The following IFNL2 variants were observed in gnomAD, a reference collection of about 807,000 sequenced individuals.
IFNL2 encodes the protein interferon lambda-2.
Under a neutral mutation model 18.7 loss-of-function variants are expected in IFNL2, and 17 were observed. That is an observed-to-expected ratio of 0.91 (90% CI 0.62 to 1.36). The LOEUF (loss-of-function observed/expected upper bound fraction) is 1.36, where lower values mean the gene tolerates loss of function less well. IFNL2 is among the 40% of genes most tolerant of loss of function. The pLI, the probability that IFNL2 is intolerant of heterozygous loss-of-function variation, is 0.00. For synonymous variants in IFNL2, 96 were observed against 113.4 expected, an observed-to-expected ratio of 0.85 and a Z score of 0.98; for missense variants, 225 against 257.3, an observed-to-expected ratio of 0.87 and a Z score of 0.86.
In IFNL2 at chr19:39,269,761, G is replaced by A. The variant is rs2075029059; in HGVS notation, c.444G>A (p.Gly148=). 12 of 1,609,282 alleles carry A rather than the reference G, an allele frequency of 7.5e-6. No homozygotes were observed. The highest frequency in any genetic ancestry group is 1.0e-5 in the Non-Finnish European group (12 of 1,178,338). Residue 148 remains glycine, a synonymous_variant, in exon 5 of 6, where the codon GGG becomes GGA. Coordinates refer to ENST00000331982, the MANE Select transcript of IFNL2 (RefSeq NM_172138.2). ...RACIQPQPTA[G]PRTRGRLHHW... ...AGATCCAGCCTCAGCCCACGGCAGG[G>A]CCCAGGACCCGGGGCCGCCTCCACC...
Position 39,269,648 on chromosome 19 carries a change from G to A in IFNL2, c.420+11G>A, listed in dbSNP as rs546500. The A allele has an allele frequency of 2.4e-3, 3,849 of 1,613,294 alleles. 110 individuals carry two copies. The African/African-American group carries it at 0.044, about 18-fold the overall frequency. ...CAGTTCCGGGCCTGTGTGAGTCGTT[G>A]GGGCCTGGGCACCCAGGTCTGTGAG... On this transcript the variant is annotated intron_variant, in intron 4 of 5. Coordinates refer to ENST00000331982, the MANE Select transcript of IFNL2 (RefSeq NM_172138.2).
chr19:39,269,212 G>C lies in IFNL2; in HGVS notation c.253G>C (p.Asp85His), dbSNP rs750186678. ...CTCCCGCCTCTTCCCCAGGACCTGG[G>C]ACCTGAGGCAGCTGCAGGTGAGAGG... ...CHSRLFPRTW[D>H]LRQLQVRERP... Residue 85 changes from aspartate (D) to histidine (H), a missense_variant, in exon 3 of 6, where the codon GAC becomes CAC. Asp to His is a moderately conservative substitution (Grantham distance 81). Transcript: ENST00000331982. 1.2e-6 allele frequency: 2 copies of C among 1,611,854 alleles called. No individual in the cohort carries two copies. Among genetic ancestry groups the C allele is most frequent in the African/African-American group, 2.7e-5 (2 of 74,792 alleles).
In IFNL2 at chr19:39,268,860, T is replaced by C. The variant is rs557053526; in HGVS notation, c.192+2T>C. The stretch of plus-strand genomic sequence containing the variant: ...TTTAAGAGGGCCAAAGATGCCTTAG[T>C]GAGTCTCCCCCTGCCCTCCTGCCAT... On this transcript the variant is annotated splice_donor_variant, in intron 2 of 5. Coordinates refer to ENST00000331982, the MANE Select transcript of IFNL2 (RefSeq NM_172138.2). LOFTEE classifies it high-confidence loss of function. 2.5e-6 allele frequency: 4 copies of C among 1,609,892 alleles called. No individual in the cohort carries two copies. The highest frequency in any genetic ancestry group is 1.7e-4 in the Middle Eastern group (1 of 5,984).
rs2144994823 is a variant in IFNL2 at position 39,268,673 on chromosome 19, A to G, written c.11-4A>G. ...CCTCAGCTCCCTTTCTCTCTGTGAC[A>G]CAGACATGACTGGGGACTGCACGCC... On this transcript the variant is annotated splice_region_variant and splice_polypyrimidine_tract_variant and intron_variant, in intron 1 of 5. Transcript: ENST00000331982. 1 of 1,613,492 alleles carries G rather than the reference A, an allele frequency of 6.2e-7. No homozygotes were observed. The highest frequency in any genetic ancestry group is 2.2e-5 in the East Asian group (1 of 44,882).
rs759745962 is a variant in IFNL2, at chr19:39,268,878, C to T, written c.192+20C>T. 1 of 1,603,164 alleles carries T rather than the reference C, an allele frequency of 6.2e-7. No homozygotes were observed. The highest frequency in any genetic ancestry group is 8.5e-7 in the Non-Finnish European group (1 of 1,172,856). ...GCCTTAGTGAGTCTCCCCCTGCCCT[C>T]CTGCCATGGACTAGCCTCCACCCCC... On this transcript the variant is annotated intron_variant, in intron 2 of 5. Transcript: ENST00000331982.
At chr19:39,269,294 C>A (rs1013723361) in intron 3 of IFNL2, 65 bp downstream of exon 3, 12 of 1,537,012 alleles carry the variant, frequency 7.8e-6, no homozygotes, top group African/African-American at 1.4e-5. Context: ...TGTAGTGGCC[C>A]CTTCACCGTC....
At chr19:39,268,933 C>T (rs961282087) in intron 2 of IFNL2, 75 bp downstream of exon 2, 100 of 1,543,828 alleles carry the variant, frequency 6.5e-5, no homozygotes, top group Middle Eastern at 6.2e-4. Context: ...TTTCCCACTC[C>T]CAGCTTCCTT....
rs1289035668 is a variant in IFNL2, at chr19:39,270,001, C to T, written c.591C>T (p.Asp197=). Residue 197 remains aspartate, a synonymous_variant, in exon 6 of 6, where the codon GAC becomes GAT. Transcript: ENST00000331982. Reference sequence around the variant, plus strand: ...ACCTGAATTGTGTTGCCAGTGGGGACCTGTGTGTCTGACCCTCCCACCAGT... The same window carrying T: ...ACCTGAATTGTGTTGCCAGTGGGGATCTGTGTGTCTGACCCTCCCACCAGT... ...TRDLNCVASG[D]LCV The T allele has an allele frequency of 6.9e-6, 11 of 1,597,832 alleles. No individual in the cohort carries two copies. The Admixed American group carries it at 1.0e-4, about 15-fold the overall frequency.
chr19:39,269,247 G>T lies in IFNL2; in HGVS notation c.270+18G>T, dbSNP rs573494672. 2.5e-6 allele frequency: 4 copies of T among 1,600,764 alleles called. No homozygotes were observed. The highest frequency in any genetic ancestry group is 2.3e-5 in the East Asian group (1 of 44,130). On this transcript the variant is annotated intron_variant, in intron 3 of 5. Transcript: ENST00000331982. ...AGCTGCAGGTGAGAGGGGGAGTCAG[G>T]CCCACCCCTGCTCTCCCAGCCCCAC...
intron 4 of IFNL2, 38 bp from the exon 5 acceptor site, chr19:39,269,700 A>G (rs1230229918): frequency 6.2e-7 from 1 of 1,607,164 alleles, no homozygotes; most frequent in Non-Finnish European, 8.5e-7. Context: ...TCCCCTTGCC[A>G]AGGCCCCGGC....
chr19:39,269,100 G>A, intron 2 of IFNL2, 52 bp from the exon 3 acceptor site: 2 of 1,579,836 alleles, frequency 1.3e-6, no homozygotes, highest in Admixed American at 1.8e-5. Context: ...CCACCAGGAT[G>A]GTCTAACCTC....
rs763597001 is a variant in IFNL2, at chr19:39,269,582, T to A, written c.365T>A (p.Val122Asp). 5.0e-6 allele frequency: 8 copies of A among 1,614,194 alleles called. No individual in the cohort carries two copies. The East Asian group carries it at 6.7e-5, about 13-fold the overall frequency. ...GACACTGACCCAGCCCTGGTGGACG[T>A]CTTGGACCAGCCCCTTCACACCCTG... ...TADTDPALVD[V>D]LDQPLHTLHH... Residue 122 changes from valine (V) to aspartate (D), a missense_variant, in exon 4 of 6, where the codon GTC becomes GAC. By Grantham distance (152) the Val-to-Asp change is radical. Transcript: ENST00000331982.
chr19:39,269,028 G>A (rs972987698), intron 2 of IFNL2, 124 bp from the exon 3 acceptor site: 1 of 1,349,436 alleles, frequency 7.4e-7, no homozygotes, highest in South Asian at 1.4e-5. Flanking sequence ...TGTAGAAGAG[G>A]GTCCTCTACC....
At chr19:39,268,649 C>T (rs1192348182) in intron 1 of IFNL2, 28 bp from the exon 2 acceptor site, 2 of 1,613,894 alleles carry the variant, frequency 1.2e-6, no homozygotes, top group Non-Finnish European at 1.7e-6. Context: ...TCTCCATCCC[C>T]TCAGCTCCCT....
Position 39,270,074 on chromosome 19 carries a change from A to G in IFNL2, c.*61A>G. On this transcript the variant is annotated 3_prime_UTR_variant, in exon 6 of 6. Coordinates refer to ENST00000331982, the MANE Select transcript of IFNL2 (RefSeq NM_172138.2). ...ATAAATTAGCCACTTGTCTTAATTT[A>G]TTGCCACCCAGTCGCTATTTATGTA... 1 of 1,520,068 alleles carries G rather than the reference A, an allele frequency of 6.6e-7. No homozygotes were observed. Among genetic ancestry groups the G allele is most frequent in the Non-Finnish European group, 8.9e-7 (1 of 1,119,014 alleles). The allele number at this position is 1,520,068 out of a possible 1,614,324, so 94.2% of individuals were successfully genotyped here.
rs555975722 is a variant in IFNL2 at position 39,269,772 on chromosome 19, G to C, written c.455G>C (p.Arg152Pro). The C allele has an allele frequency of 7.7e-5, 124 of 1,609,448 alleles. 5 individuals carry two copies. In the South Asian group the frequency reaches 1.3e-3, roughly 17 times the overall value. Residue 152 changes from arginine to proline, a missense_variant, in exon 5 of 6, where the codon CGG (arginine) becomes CCG (proline). By Grantham distance (103) the Arg-to-Pro change is moderately radical (BLOSUM62 -2). Transcript: ENST00000331982. ...QPQPTAGPRT[R>P]GRLHHWLYRL... ...CAGCCCACGGCAGGGCCCAGGACCC[G>C]GGGCCGCCTCCACCATTGGCTGTAC...
rs754499511 is a variant in IFNL2, at chr19:39,269,226, G to T, written c.267G>T (p.Leu89=). The change falls in exon 3 of 6, where the codon CTG becomes CTT. Residue 89 remains leucine, a synonymous_variant. Transcript: ENST00000331982. ...LFPRTWDLRQ[L]QVRERPMALE... ...CCAGGACCTGGGACCTGAGGCAGCT[G>T]CAGGTGAGAGGGGGAGTCAGGCCCA... is the stretch of plus-strand genomic sequence containing the variant. The T allele has an allele frequency of 3.1e-6, 5 of 1,609,790 alleles. No homozygotes were observed. The highest frequency in any genetic ancestry group is 4.2e-6 in the Non-Finnish European group (5 of 1,178,248).
rs117469515 is a variant in IFNL2 at position 39,269,314 on chromosome 19, C to A, written c.270+85C>A. The A allele has an allele frequency of 1.7e-3, 2,521 of 1,504,296 alleles. 42 individuals are homozygous for A. In the East Asian group the frequency reaches 0.041, roughly 25 times the overall value. The allele number at this position is 1,504,296 out of a possible 1,614,324, so 93.2% of individuals were successfully genotyped here. A position where few individuals can be genotyped will look rare whatever the true frequency, so the allele number is the denominator to read the frequency against. ...TGGCCCCTTCACCGTCTCTTTCTCCCTTGTCTCTCTCTCTTCTCCTCACAC... is the reference window on the plus strand; with the variant it reads ...TGGCCCCTTCACCGTCTCTTTCTCCATTGTCTCTCTCTCTTCTCCTCACAC... On this transcript the variant is annotated intron_variant, in intron 3 of 5. Coordinates refer to ENST00000331982, the MANE Select transcript of IFNL2 (RefSeq NM_172138.2).
intron 3 of IFNL2, 70 bp downstream of exon 3, chr19:39,269,299 A>G: frequency 1.3e-6 from 2 of 1,530,092 alleles, no homozygotes; most frequent in Non-Finnish European, 1.8e-6. Flanking sequence ...TGGCCCCTTC[A>G]CCGTCTCTTT....
Sources: allele counts gnomAD v4.1 joint callset, GRCh38; gene constraint gnomAD v4.1.1; transcripts MANE v1.5; gene names NCBI Gene and HGNC (gene_info 2026-07-23, HGNC 2026-07-21).